DTNA: variants seen among roughly 807,000 people sequenced by gnomAD.
DTNA encodes dystrobrevin alpha, also known as dystrophin-related protein 3.
DTNA carries 43 observed loss-of-function variants against 100.7 expected under a neutral mutation model. The observed-to-expected ratio is 0.43, with a 90% CI of 0.33 to 0.55. The LOEUF is 0.55. Among genes scored for constraint, DTNA ranks in the 20% least tolerant of loss-of-function variants. The probability of loss-of-function intolerance (pLI) is 0.04; values close to 1 mark genes in which losing one functional copy is unlikely to be tolerated. For missense variants in DTNA, 798 were observed against 953.9 expected, an observed-to-expected ratio of 0.84 and a Z score of 2.15; for synonymous variants, 349 against 347.9, an observed-to-expected ratio of 1.00 and a Z score of -0.04.
intron 1 of DTNA, among the ~76,000 whole-genome samples, 179 bp downstream of exon 1, chr18:34,710,624 G>A (rs562915289): frequency 6.6e-6 from 1 of 151,828 alleles, no homozygotes; most frequent in African/African-American, 2.4e-5. Context: ...TAATTTGAAA[G>A]TCTAAGATGT....
intron 1 of DTNA, among the ~76,000 whole-genome samples, chr18:34,698,367 A>G (rs573481142): frequency 2.3e-4 from 35 of 152,290 alleles, no homozygotes; most frequent in Middle Eastern, 3.4e-3. Context: ...CATTCTCCCT[A>G]TGAAGGTTCT....
At chr18:34,662,038 C>T (rs1461662370) in intron 1 of DTNA, among the ~76,000 whole-genome samples, 1 of 151,910 alleles carries the variant, frequency 6.6e-6, no homozygotes, top group South Asian at 2.1e-4. Flanking sequence ...ATTTCAACTC[C>T]ATCACTATCA....
chr18:34,576,430 G>A lies in DTNA; in HGVS notation c.-2+82916G>A, dbSNP rs74773728. Among the ~76,000 whole-genome samples the A allele has an allele frequency of 4.7e-3, 715 of 152,196 alleles. 13 individuals carry two copies. The highest frequency in any genetic ancestry group is 0.039 in the East Asian group (200 of 5,172). On this transcript the variant is annotated intron_variant, in intron 1 of 19. Coordinates refer to the DTNA transcript ENST00000283365. The stretch of plus-strand genomic sequence containing the variant: ...TCATGGAACACAAATAAATTGGTTT[G>A]TGATATATTTTTGTTTTTGCTTTGT...
intron 1 of DTNA, among the ~76,000 whole-genome samples, chr18:34,721,738 T>C (rs973921524): frequency 2.6e-5 from 4 of 152,244 alleles, no homozygotes; most frequent in South Asian, 2.1e-4. Context: ...TTATCTTGCC[T>C]ATGAAATTCC....
At chr18:34,852,928 A>G (rs1417692094) in intron 15 of DTNA, among the ~76,000 whole-genome samples, 1 of 152,148 alleles carries the variant, frequency 6.6e-6, no homozygotes, top group Non-Finnish European at 1.5e-5. Context: ...TATCTGAAAT[A>G]ATCATGTGTG....
chr18:34,699,879 G>A (rs1299195492), intron 1 of DTNA, among the ~76,000 whole-genome samples: 1 of 152,058 alleles, frequency 6.6e-6, no homozygotes, highest in Non-Finnish European at 1.5e-5. Flanking sequence ...AAAAAACTTG[G>A]CTAGCTTAAC....
intron 5 of DTNA, among the ~76,000 whole-genome samples, chr18:34,809,082 T>C (rs181373564): frequency 2.6e-5 from 4 of 152,228 alleles, no homozygotes; most frequent in East Asian, 3.9e-4. Context: ...TAAAGGTAAT[T>C]TGGTCACAAA....
intron 1 of DTNA, among the ~76,000 whole-genome samples, chr18:34,631,130 T>A (rs1430503598): frequency 4.6e-5 from 7 of 152,326 alleles, no homozygotes; most frequent in Admixed American, 1.3e-4. Flanking sequence ...CTATGCATTT[T>A]ATATGCATTA....
intron 1 of DTNA, among the ~76,000 whole-genome samples, chr18:34,544,826 G>T (rs566560874): frequency 6.6e-6 from 1 of 151,676 alleles, no homozygotes; most frequent in Non-Finnish European, 1.5e-5. Flanking sequence ...AGGAAGCCTG[G>T]AGACTTGCAA....
At chr18:34,857,832 T>A (rs1449447973) in intron 15 of DTNA, among the ~76,000 whole-genome samples, 1 of 152,232 alleles carries the variant, frequency 6.6e-6, no homozygotes, top group Non-Finnish European at 1.5e-5. Flanking sequence ...CCATTTATCC[T>A]TATTTTCCCT....
intron 11 of DTNA, among the ~76,000 whole-genome samples, chr18:34,831,508 C>CT (rs1471145748): frequency 6.6e-6 from 1 of 152,212 alleles, no homozygotes; most frequent in East Asian, 1.9e-4. Flanking sequence ...TGGCTCACGC[C>CT]TGTAATCCCA....
chr18:34,666,244 C>G (rs1223635355), intron 1 of DTNA, among the ~76,000 whole-genome samples: 1 of 151,866 alleles, frequency 6.6e-6, no homozygotes, highest in Non-Finnish European at 1.5e-5. Flanking sequence ...CCTTTCATAT[C>G]CTTCACCCAC....
chr18:34,564,295 A>G (rs1286344293), intron 1 of DTNA, among the ~76,000 whole-genome samples: 1 of 152,126 alleles, frequency 6.6e-6, no homozygotes, highest in East Asian at 1.9e-4. Context: ...GGCACGCGCC[A>G]CTACGTCCAG....
At chr18:34,556,008 T>A (rs1364037645) in intron 1 of DTNA, among the ~76,000 whole-genome samples, 2 of 150,328 alleles carry the variant, frequency 1.3e-5, no homozygotes, top group Non-Finnish European at 3.0e-5. Context: ...GGAGTCTAAG[T>A]CTCTTTGTAG....
chr18:34,516,802 T>A (rs2041669219), intron 1 of DTNA, among the ~76,000 whole-genome samples: 1 of 152,130 alleles, frequency 6.6e-6, no homozygotes, highest in Admixed American at 6.6e-5. Flanking sequence ...CCGGATTCCA[T>A]ATTGTTCAAA....
chr18:34,493,884 A>G (rs1487141709), intron 1 of DTNA: 1 of 147,448 alleles, frequency 6.8e-6, no homozygotes, highest in African/African-American at 2.5e-5. Context: ...GGCCGCGGCT[A>G]GCGCGAAGCA....
chr18:34,884,883 A>G (rs2096907555), intron 22 of DTNA, 107 bp downstream of exon 22: 1 of 1,309,710 alleles, frequency 7.6e-7, no homozygotes, highest in Non-Finnish European at 1.1e-6. Context: ...TTTCTATGTG[A>G]TAAAATACCC....
intron 1 of DTNA, among the ~76,000 whole-genome samples, chr18:34,575,465 CA>C (rs1429631715): frequency 6.6e-6 from 1 of 152,194 alleles, no homozygotes; most frequent in African/African-American, 2.4e-5. Context: ...TCATCTTCAA[CA>C]AACATTCAGT....
At chr18:34,718,592 G>A (rs755003784) in intron 1 of DTNA, among the ~76,000 whole-genome samples, 13 of 152,100 alleles carry the variant, frequency 8.5e-5, no homozygotes, top group East Asian at 1.9e-4. Flanking sequence ...CTAATAAGAC[G>A]TTAGGTTTTA....
Sources: gnomAD v4.1 joint callset for allele counts (sites outside exome capture counted in the v4.1 genomes callset) on GRCh38, gnomAD v4.1.1 for gene constraint, MANE v1.5 for transcripts, NCBI Gene and HGNC (gene_info 2026-07-23, HGNC 2026-07-21) for gene names.